PRR12: variants seen among roughly 807,000 people sequenced by gnomAD.
PRR12 encodes the protein proline rich 12, also known as proline-rich protein 12.
A neutral mutation model predicts 138.0 loss-of-function variants in PRR12; 12 were observed. The ratio of observed to expected loss-of-function variants is 0.09; its 90% confidence interval spans 0.06 to 0.14. The LOEUF is 0.14. Among genes scored for constraint, PRR12 ranks in the 10% least tolerant of loss-of-function variants. The probability of loss-of-function intolerance (pLI) is 1.00; values close to 1 mark genes in which losing one functional copy is unlikely to be tolerated. For missense variants in PRR12, 2,692 were observed against 2,861.3 expected (o/e 0.94, Z 1.35); for synonymous variants, 1,567 against 1,291.7 (o/e 1.21, Z -4.57).
At position 49,591,521 on chromosome 19, in the gene PRR12, A is replaced by C; in HGVS notation, c.-134A>C. The C allele has an allele frequency of 3.2e-6, 1 of 313,160 alleles. No individual in the cohort carries two copies. 19.4% of individuals were successfully genotyped at this position (313,160 alleles called of 1,614,324 possible). On this transcript the variant is annotated 5_prime_UTR_variant, in exon 1 of 14. Transcript: ENST00000418929. Reference sequence around the variant, plus strand: ...CCTTCCCGGGCCTTCGGCGGCTGCAAAGAAAAAAAGAGAGAGAGAAAAGGG... The same window carrying C: ...CCTTCCCGGGCCTTCGGCGGCTGCACAGAAAAAAAGAGAGAGAGAAAAGGG...
Position 49,600,000 on chromosome 19 carries a change from A to G in PRR12, c.4345+62A>G. On this transcript the variant is annotated intron_variant, in intron 5 of 13. Coordinates refer to ENST00000418929, the MANE Select transcript of PRR12 (RefSeq NM_020719.3). This position sits in a 1 kb window ranked among gnomAD's most constrained non-coding sequence, Gnocchi z 5.0. ...AAGGTTATTATGATCACTAGGTAAC[A>G]GTTGTGCAGGTTACGCACTGTTTAA... The G allele has an allele frequency of 6.9e-7, 1 of 1,447,950 alleles. No individual in the cohort carries two copies. Among genetic ancestry groups the G allele is most frequent in the Non-Finnish European group, 9.2e-7 (1 of 1,082,968 alleles). The allele number at this position is 1,447,950 out of a possible 1,614,324, so 89.7% of individuals were successfully genotyped here. A position where few individuals can be genotyped will look rare whatever the true frequency, so the allele number is the denominator to read the frequency against.
chr19:49,596,754 A>C lies in PRR12; in HGVS notation c.2419A>C (p.Ser807Arg). 1 of 1,593,820 alleles carries C rather than the reference A, an allele frequency of 6.3e-7. No individual in the cohort carries two copies. The highest frequency in any genetic ancestry group is 8.5e-7 in the Non-Finnish European group (1 of 1,175,714). ...PPPQLLPSVL[S>R]HAPSPSPSAS... ...CCCCCAGCTGCTCCCCTCGGTCCTC[A>C]GCCATGCCCCCAGTCCCTCTCCCAG... Residue 807 changes from serine (S) to arginine (R), a missense_variant, in exon 4 of 14, where the codon AGC becomes CGC. By Grantham distance (110) the Ser-to-Arg change is moderately radical (BLOSUM62 -1). Around this residue, in one of 11 missense-constraint regions of PRR12, gnomAD observed 840 missense variants for 689.8 expected, o/e 1.22. Coordinates refer to ENST00000418929, the MANE Select transcript of PRR12 (RefSeq NM_020719.3). This position sits in a 1 kb window ranked among gnomAD's most constrained non-coding sequence, Gnocchi z 5.6.
At position 49,597,256 on chromosome 19, in the gene PRR12, C is replaced by G. The variant is rs1223627541; in HGVS notation, c.2921C>G (p.Pro974Arg). ...GGGCCACCTGAGGACGAGGGGGACCCCAAGGCTGGCGCTGGGCCACCCCCC... is the reference window on the plus strand; with the variant it reads ...GGGCCACCTGAGGACGAGGGGGACCGCAAGGCTGGCGCTGGGCCACCCCCC... ...KAGPPEDEGD[P>R]KAGAGPPPGP... The change falls in exon 4 of 14, where the codon CCC becomes CGC. Residue 974 changes from proline to arginine, a missense_variant. Around this residue, in one of 11 missense-constraint regions of PRR12, gnomAD observed 840 missense variants for 689.8 expected, o/e 1.22. Coordinates refer to ENST00000418929, the MANE Select transcript of PRR12 (RefSeq NM_020719.3). The surrounding 1 kb of genome is among the most constrained non-coding windows in gnomAD (Gnocchi z 6.3). 1 of 1,572,904 alleles carries G rather than the reference C, an allele frequency of 6.4e-7. No individual in the cohort carries two copies. The highest frequency in any genetic ancestry group is 8.6e-7 in the Non-Finnish European group (1 of 1,160,138).
In PRR12 at chr19:49,601,924, T is replaced by A; in HGVS notation, c.4773+6T>A. ...AGGACATCCCTTCCCTCAAGGTGAG[T>A]CCCAGCCTTCTCCAGAAACTGGGCC... On this transcript the variant is annotated splice_donor_region_variant and intron_variant, in intron 6 of 13. Coordinates refer to ENST00000418929, the MANE Select transcript of PRR12 (RefSeq NM_020719.3). 2 of 1,609,500 alleles carry A rather than the reference T, an allele frequency of 1.2e-6. No individual in the cohort carries two copies. The highest frequency in any genetic ancestry group is 1.7e-6 in the Non-Finnish European group (2 of 1,178,990).
intron 11 of PRR12, 190 bp downstream of exon 11, chr19:49,621,812 G>A (rs1427154100): frequency 1.7e-5 from 10 of 588,886 alleles, no homozygotes; most frequent in Non-Finnish European, 3.0e-5. Flanking sequence ...AGCCCATGTG[G>A]GGAGGAGCTG....
chr19:49,622,908 C>CATATATATATAT (rs61466559), intron 11 of PRR12, among the ~76,000 whole-genome samples: 30 of 97,194 alleles, frequency 3.1e-4, no homozygotes, highest in East Asian at 1.6e-3. Flanking sequence ...AAAACAAAAA[C>CATATATATATAT]ATATATATAT....
In PRR12 at chr19:49,603,363, C is replaced by T. The variant is rs10414053; in HGVS notation, c.4773+1445C>T. Among the ~76,000 whole-genome samples the T allele has an allele frequency of 9.4e-3, 1,438 of 152,320 alleles. 20 individuals carry two copies. The highest frequency in any genetic ancestry group is 0.033 in the African/African-American group (1,377 of 41,580). On this transcript the variant is annotated intron_variant, in intron 6 of 13. Transcript: ENST00000418929. ...GTCATTGATTGTACTGATTATGATACAGGATTATTGTTTGGCCCTTCGTGT... is the reference window on the plus strand; with the variant it reads ...GTCATTGATTGTACTGATTATGATATAGGATTATTGTTTGGCCCTTCGTGT...
intron 9 of PRR12, among the ~76,000 whole-genome samples, chr19:49,617,749 A>T (rs999352304): frequency 2.0e-5 from 3 of 152,164 alleles, no homozygotes; most frequent in Non-Finnish European, 4.4e-5. Flanking sequence ...AGAATTAGCG[A>T]GTCAAATGAG....
At chr19:49,593,254 C>CCG in intron 1 of PRR12, 73 bp from the exon 2 acceptor site, 1 of 738,026 alleles carries the variant, frequency 1.4e-6, no homozygotes, top group Non-Finnish European at 2.3e-6. Flanking sequence ...CCCAACTCCC[C>CCG]GGGGGGTTTT....
chr19:49,611,911 A>G (rs2080868341), intron 6 of PRR12, among the ~76,000 whole-genome samples: 1 of 90,464 alleles, frequency 1.1e-5, no homozygotes, highest in African/African-American at 5.2e-5. Flanking sequence ...CGACAGAGCG[A>G]GACTCCGTCT....
In PRR12 at chr19:49,601,874, C is replaced by G; in HGVS notation, c.4729C>G (p.Arg1577Gly). The change falls in exon 6 of 14, where the codon CGG becomes GGG. Residue 1577 changes from arginine (R) to glycine (G), a missense_variant. Arg to Gly is a moderately radical substitution (Grantham distance 125, BLOSUM62 -2). This residue lies in a region of PRR12 where 92 missense variants were observed against 174.1 expected (regional missense o/e 0.53). Transcript: ENST00000418929. ...ESGGEGIFRE[R>G]DEFVIRAEDI... ...TGGCGGAGAGGGCATCTTCCGGGAACGGGACGAGTTCGTCATCCGTGCTGA... is the reference window on the plus strand; with the variant it reads ...TGGCGGAGAGGGCATCTTCCGGGAAGGGGACGAGTTCGTCATCCGTGCTGA... The G allele has an allele frequency of 6.2e-7, 1 of 1,612,438 alleles. No individual in the cohort carries two copies. Among genetic ancestry groups the G allele is most frequent in the Non-Finnish European group, 8.5e-7 (1 of 1,179,840 alleles).
At chr19:49,610,629 G>A (rs8102665) in intron 6 of PRR12, among the ~76,000 whole-genome samples, 2,826 of 144,288 alleles carry the variant, frequency 0.02, 88 homozygotes, top group African/African-American at 0.071. Flanking sequence ...TACAAGCTCC[G>A]CCTCTGGGTT....
chr19:49,591,832 G>T (rs1599781781), intron 1 of PRR12, 92 bp downstream of exon 1: 1 of 711,000 alleles, frequency 1.4e-6, no homozygotes, highest in South Asian at 4.7e-5. Flanking sequence ...CCGGCGACGC[G>T]TGCATCGCAA....
intron 6 of PRR12, among the ~76,000 whole-genome samples, chr19:49,610,544 C>CTTTTTTTTTTTTT (rs1402169174): frequency 5.6e-5 from 5 of 89,796 alleles, no homozygotes; most frequent in African/African-American, 3.2e-4. Context: ...AACCCTGTTC[C>CTTTTTTTTTTTTT]TATTTTTTTT....
At chr19:49,593,199 T>G in intron 1 of PRR12, 128 bp from the exon 2 acceptor site, 1 of 603,374 alleles carries the variant, frequency 1.7e-6, no homozygotes, top group Admixed American at 3.0e-5. Flanking sequence ...GGGCCTACGG[T>G]TCCTTAGCTT....
At position 49,594,798 on chromosome 19, in the gene PRR12, G is replaced by T; in HGVS notation, c.463G>T (p.Ala155Ser). Residue 155 changes from alanine (A) to serine (S), a missense_variant, in exon 4 of 14, where the codon GCT (alanine) becomes TCT (serine). By Grantham distance (99) the Ala-to-Ser change is moderately conservative (BLOSUM62 1). This residue lies in a region of PRR12 where 211 missense variants were observed against 266.3 expected (regional missense o/e 0.79). Coordinates refer to ENST00000418929, the MANE Select transcript of PRR12 (RefSeq NM_020719.3). This position sits in a 1 kb window ranked among gnomAD's most constrained non-coding sequence, Gnocchi z 5.6. ...TGCCCTGTCGGCTTACCAACACCCG[G>T]CTTCCTTCGGCAGCCGCCCCTTCCC... ...SSALSAYQHPASFGSRPFPVP... is the reference protein window; with the variant it reads ...SSALSAYQHPSSFGSRPFPVP... The T allele has an allele frequency of 6.2e-7, 1 of 1,612,880 alleles. No individual in the cohort carries two copies. The highest frequency in any genetic ancestry group is 8.5e-7 in the Non-Finnish European group (1 of 1,179,698).
Position 49,616,864 on chromosome 19 carries a change from C to T in PRR12, c.5497+645C>T, listed in dbSNP as rs186567570. ...TCTGGTTAGGCCGGGCACAGTGGCT[C>T]GCGCCTGTAATCCCAACACTTTGGG... On this transcript the variant is annotated intron_variant, in intron 9 of 13. Transcript: ENST00000418929. This position sits in a 1 kb window ranked among gnomAD's most constrained non-coding sequence, Gnocchi z 4.2. Among the ~76,000 whole-genome samples, 1,332 of 152,258 alleles carry T rather than the reference C, an allele frequency of 8.7e-3. 11 individuals are homozygous for T. Among genetic ancestry groups the T allele is most frequent in the African/African-American group, 0.03 (1,263 of 41,556 alleles).
At chr19:49,592,698 A>T (rs1029074771) in intron 1 of PRR12, among the ~76,000 whole-genome samples, 2 of 152,076 alleles carry the variant, frequency 1.3e-5, no homozygotes, top group Admixed American at 6.5e-5. Flanking sequence ...CATACCTGGC[A>T]TTGCATGGGC....
chr19:49,599,728 T>A lies in PRR12; in HGVS notation c.4135T>A (p.Ser1379Thr). 6.2e-7 allele frequency: 1 copy of A among 1,613,578 alleles called. No homozygotes were observed. Among genetic ancestry groups the A allele is most frequent in the Non-Finnish European group, 8.5e-7 (1 of 1,179,882 alleles). The change falls in exon 5 of 14, where the codon TCC becomes ACC. Residue 1379 changes from serine (S) to threonine (T), a missense_variant. Coordinates refer to ENST00000418929, the MANE Select transcript of PRR12 (RefSeq NM_020719.3). This position sits in a 1 kb window ranked among gnomAD's most constrained non-coding sequence, Gnocchi z 5.0. Reference sequence around the variant, plus strand: ...GAAGCGGAACCTCGAGACGCTGCCCTCCTTCTCCTCGGATGAGGAAGACTC... The same window carrying A: ...GAAGCGGAACCTCGAGACGCTGCCCACCTTCTCCTCGGATGAGGAAGACTC... ...ELKRNLETLP[S>T]FSSDEEDSVA...
Sources: gnomAD v4.1 joint callset for allele counts (sites outside exome capture counted in the v4.1 genomes callset) on GRCh38, gnomAD v4.1.1 for gene constraint, gnomAD v4.1.1 regional missense constraint, Gnocchi (gnomAD v3.1) non-coding constraint, MANE v1.5 for transcripts, NCBI Gene and HGNC (gene_info 2026-07-23, HGNC 2026-07-21) for gene names.